MYO3A: variants seen among roughly 807,000 people sequenced by gnomAD.
MYO3A encodes myosin-IIIa.
In MYO3A, 180 loss-of-function variants were observed where a neutral mutation model predicts 192.7. The ratio of observed to expected loss-of-function variants is 0.93; its 90% CI spans 0.83 to 1.06. The LOEUF is 1.06. MYO3A is among the 50% of genes least tolerant of loss of function. The probability of loss-of-function intolerance (pLI) is 0.00; values close to 1 mark genes in which losing one functional copy is unlikely to be tolerated. For missense variants in MYO3A, 1,896 were observed against 1,905.0 expected (o/e 1.00, Z 0.09); for synonymous variants, 628 against 645.3 (o/e 0.97, Z 0.41).
rs186682063 is a variant in MYO3A at position 26,189,575 on chromosome 10, G to A, written c.4439-3630G>A. Among the ~76,000 whole-genome samples the A allele has an allele frequency of 1.2e-3, 190 of 152,268 alleles. 3 individuals are homozygous for A. The South Asian group carries it at 0.018, about 15-fold the overall frequency. On this transcript the variant is annotated intron_variant, in intron 31 of 34. Transcript: ENST00000642920. ...AAGCAAAGTTACACCTATAAACATC[G>A]TCTCTCAGGGCTTCAGTGAGATAAC...
At chr10:26,191,577 A>G (rs1286694064) in intron 31 of MYO3A, among the ~76,000 whole-genome samples, 1 of 152,374 alleles carries the variant, frequency 6.6e-6, no homozygotes, top group South Asian at 2.1e-4. Flanking sequence ...GCATTGTTCC[A>G]TGCACTACAC....
intron 15 of MYO3A, among the ~76,000 whole-genome samples, chr10:26,089,852 C>A (rs907706652): frequency 6.6e-6 from 1 of 152,068 alleles, no homozygotes; most frequent in Non-Finnish European, 1.5e-5. Context: ...CAGTATATAG[C>A]ACAATGAATG....
chr10:25,965,264 T>C (rs1838187703), intron 4 of MYO3A, among the ~76,000 whole-genome samples: 2 of 152,174 alleles, frequency 1.3e-5, no homozygotes, highest in South Asian at 4.1e-4. Context: ...ATATTTTCTT[T>C]TGCACTGGGT....
At chr10:26,139,271 T>C (rs982766625) in intron 20 of MYO3A, among the ~76,000 whole-genome samples, 1 of 152,116 alleles carries the variant, frequency 6.6e-6, no homozygotes, top group Non-Finnish European at 1.5e-5. Flanking sequence ...AGTTTCATTC[T>C]TGTTGCCCAG....
At chr10:26,097,897 T>A (rs897962485) in intron 17 of MYO3A, among the ~76,000 whole-genome samples, 2 of 152,130 alleles carry the variant, frequency 1.3e-5, no homozygotes, top group African/African-American at 4.8e-5. Flanking sequence ...TATGTGTGCA[T>A]GTGCATGTGT....
At chr10:26,166,869 G>A (rs1413647523) in intron 27 of MYO3A, among the ~76,000 whole-genome samples, 1 of 152,158 alleles carries the variant, frequency 6.6e-6, no homozygotes, top group Non-Finnish European at 1.5e-5. Flanking sequence ...TTAGCTTGCA[G>A]AACCTGTGAG....
chr10:26,100,092 C>G (rs1326323193), intron 17 of MYO3A, among the ~76,000 whole-genome samples: 3 of 150,508 alleles, frequency 2.0e-5, no homozygotes, highest in Non-Finnish European at 3.0e-5. Flanking sequence ...TTTCAAAGCC[C>G]GTTGGTCTAT....
At chr10:26,004,332 G>A (rs1440896457) in intron 6 of MYO3A, among the ~76,000 whole-genome samples, 1 of 152,058 alleles carries the variant, frequency 6.6e-6, no homozygotes, top group African/African-American at 2.4e-5. Context: ...GAGGACAACG[G>A]GCGGCAGGTT....
At chr10:26,099,642 G>A (rs1295191200) in intron 17 of MYO3A, among the ~76,000 whole-genome samples, 4 of 152,102 alleles carry the variant, frequency 2.6e-5, no homozygotes, top group Non-Finnish European at 4.4e-5. Flanking sequence ...TTTTGTTGAA[G>A]GCCTTTTCTG....
chr10:26,058,650 C>T (rs1484748492), intron 10 of MYO3A, among the ~76,000 whole-genome samples: 1 of 152,188 alleles, frequency 6.6e-6, no homozygotes, highest in African/African-American at 2.4e-5. Flanking sequence ...TGTCAGTCCT[C>T]CAGCTTTTTC....
At chr10:26,179,860 G>C (rs965069547) in intron 31 of MYO3A, among the ~76,000 whole-genome samples, 2 of 152,154 alleles carry the variant, frequency 1.3e-5, no homozygotes, top group Non-Finnish European at 2.9e-5. Flanking sequence ...TTGAGACAGA[G>C]TCTCACTCTT....
At chr10:25,956,506 T>G (rs1425359658) in intron 4 of MYO3A, among the ~76,000 whole-genome samples, 1 of 150,018 alleles carries the variant, frequency 6.7e-6, no homozygotes, top group Non-Finnish European at 1.5e-5. Flanking sequence ...TTTTTTTTTT[T>G]TTTTTTTTTG....
intron 23 of MYO3A, among the ~76,000 whole-genome samples, chr10:26,149,245 T>A (rs959672049): frequency 5.9e-5 from 9 of 151,842 alleles, no homozygotes; most frequent in Non-Finnish European, 1.2e-4. Context: ...GTTTTTCATG[T>A]TTTTTTTGAG....
In MYO3A at chr10:26,088,374, C is replaced by T. The variant is rs1335980755; in HGVS notation, c.1531C>T (p.Leu511=). 3.7e-6 allele frequency: 6 copies of T among 1,613,784 alleles called. No homozygotes were observed. Among genetic ancestry groups the T allele is most frequent in the Middle Eastern group, 1.6e-4 (1 of 6,082 alleles). The change falls in exon 15 of 35, where the codon CTG becomes TTG. Residue 511 remains leucine (L), a synonymous_variant. Coordinates refer to ENST00000642920, the MANE Select transcript of MYO3A (RefSeq NM_017433.5). ...GGGAGCACAGATTTCTGAATATCTC[C>T]TGGAAAAATCCCGAGTTATCCACCA... ...VVGAQISEYL[L]EKSRVIHQAI...
At chr10:26,121,550 G>A (rs943856444) in intron 18 of MYO3A, among the ~76,000 whole-genome samples, 1 of 152,146 alleles carries the variant, frequency 6.6e-6, no homozygotes, top group Non-Finnish European at 1.5e-5. Context: ...AGGAGTTTGA[G>A]ACCAGCTTGG....
rs990498806 is a variant in MYO3A at position 25,948,521 on chromosome 10, T to C, written c.-17-3573T>C. Among the ~76,000 whole-genome samples the C allele has an allele frequency of 2.0e-5, 3 of 152,100 alleles. No individual in the cohort carries two copies. The South Asian group carries it at 6.2e-4, about 32-fold the overall frequency. On this transcript the variant is annotated intron_variant, in intron 2 of 34. Transcript: ENST00000642920. The stretch of plus-strand genomic sequence containing the variant: ...CTTACATGATCATATAACTAAGAAC[T>C]TATTTATATGTTTTAATTTTATAGG...
In MYO3A at chr10:26,093,581, T is replaced by C. The variant is rs992617600; in HGVS notation, c.1563-2800T>C. Among the ~76,000 whole-genome samples the C allele has an allele frequency of 5.9e-5, 9 of 152,290 alleles. No homozygotes were observed. In the South Asian group the frequency reaches 8.3e-4, roughly 14 times the overall value. On this transcript the variant is annotated intron_variant, in intron 15 of 34. Coordinates refer to ENST00000642920, the MANE Select transcript of MYO3A (RefSeq NM_017433.5). Reference sequence around the variant, plus strand: ...GACTAGATTCTCCTGATTCCTCTCCTACCTCCCTGAATTTTTCTTCTGTTT... The same window carrying C: ...GACTAGATTCTCCTGATTCCTCTCCCACCTCCCTGAATTTTTCTTCTGTTT...
intron 7 of MYO3A, among the ~76,000 whole-genome samples, chr10:26,017,878 T>C (rs1180318815): frequency 1.3e-5 from 2 of 151,354 alleles, no homozygotes; most frequent in East Asian, 3.8e-4. Flanking sequence ...GAGTTTGTTC[T>C]GATATATTAC....
chr10:25,972,557 T>C (rs1838720897), intron 4 of MYO3A, among the ~76,000 whole-genome samples: 1 of 152,186 alleles, frequency 6.6e-6, no homozygotes, highest in Non-Finnish European at 1.5e-5. Context: ...TAAATTATTA[T>C]AAGAAGTCTT....
Sources: gnomAD v4.1 joint callset for allele counts (sites outside exome capture counted in the v4.1 genomes callset) on GRCh38, gnomAD v4.1.1 for gene constraint, MANE v1.5 for transcripts, NCBI Gene and HGNC (gene_info 2026-07-23, HGNC 2026-07-21) for gene names.